Variants in BRCA2 observed in about 807,000 individuals in gnomAD.
BRCA2 encodes breast cancer type 2 susceptibility protein.
A neutral mutation model predicts 276.7 loss-of-function variants in BRCA2; 203 were observed. The ratio of observed to expected loss-of-function variants is 0.73; its 90% CI spans 0.65 to 0.82. The LOEUF is 0.82. Ranked by LOEUF, BRCA2 falls within the 40% of genes least tolerant of loss-of-function variation. The pLI is 0.00. For missense variants in BRCA2, 3,920 were observed against 3,915.0 expected, an observed-to-expected ratio of 1.00 and a Z score of -0.03; for synonymous variants, 1,289 against 1,338.4, an observed-to-expected ratio of 0.96 and a Z score of 0.81.
chr13:32,390,588 G>A (rs1172360748), intron 24 of BRCA2, among the ~76,000 whole-genome samples: 1 of 151,916 alleles, frequency 6.6e-6, no homozygotes, highest in Non-Finnish European at 1.5e-5. Flanking sequence ...TGATGAATTT[G>A]TCCTATTCAT....
At chr13:32,382,171 C>G (rs530666206) in intron 24 of BRCA2, among the ~76,000 whole-genome samples, 1 of 152,224 alleles carries the variant, frequency 6.6e-6, no homozygotes, top group East Asian at 1.9e-4. Flanking sequence ...CCAGAATGGT[C>G]TCGATCTCCT....
rs80359161 is a variant in BRCA2 at position 32,379,878 on chromosome 13, G to C, written c.9082G>C (p.Ala3028Pro). Residue 3028 changes from alanine to proline, a missense_variant, in exon 23 of 27, where the codon GCA (alanine) becomes CCA (proline). Around this residue, in one of 2 missense-constraint regions of BRCA2, gnomAD observed 657 missense variants for 758.2 expected, o/e 0.87. Coordinates refer to ENST00000380152, the MANE Select transcript of BRCA2 (RefSeq NM_000059.4). ...SKSERANIQL[A>P]ATKKTQYQQL... is the part of the protein sequence containing the mutation. ...ATCTGAAAGAGCTAACATACAGTTA[G>C]CAGCGACAAAAAAAACTCAGTATCA... 3.7e-6 allele frequency: 6 copies of C among 1,613,818 alleles called. No individual in the cohort carries two copies. Among genetic ancestry groups the C allele is most frequent in the Non-Finnish European group, 5.1e-6 (6 of 1,179,830 alleles).
At position 32,319,071 on chromosome 13, in the gene BRCA2, A is replaced by T. The variant is rs1555280325; in HGVS notation, c.68-6A>T. The T allele has an allele frequency of 1.2e-6, 2 of 1,608,298 alleles. No homozygotes were observed. Among genetic ancestry groups the T allele is most frequent in the Non-Finnish European group, 8.5e-7 (1 of 1,177,032 alleles). The stretch of plus-strand genomic sequence containing the variant: ...AAAACTAAGGTGGGATTTTTTTTTT[A>T]AATAGATTTAGGACCAATAAGTCTT... On this transcript the variant is annotated splice_polypyrimidine_tract_variant and splice_region_variant and intron_variant, in intron 2 of 26. Coordinates refer to ENST00000380152, the MANE Select transcript of BRCA2 (RefSeq NM_000059.4).
In BRCA2 at chr13:32,332,489, C is replaced by T. The variant is rs41293473; in HGVS notation, c.1011C>T (p.Asn337=). The change falls in exon 10 of 27, where the codon AAC becomes AAT. Residue 337 remains asparagine, a synonymous_variant. Coordinates refer to ENST00000380152, the MANE Select transcript of BRCA2 (RefSeq NM_000059.4). ...GGAAAAAAATTTTCCATGAAGCAAA[C>T]GCTGATGAATGTGAAAAATCTAAAA... ...KTRKKIFHEA[N]ADECEKSKNQ... 4.4e-5 allele frequency: 71 copies of T among 1,608,174 alleles called. 1 individual carries two copies. The Middle Eastern group carries it at 5.0e-4, about 11-fold the overall frequency.
intron 18 of BRCA2, among the ~76,000 whole-genome samples, chr13:32,368,555 G>T: frequency 6.9e-6 from 1 of 145,778 alleles, no homozygotes. Flanking sequence ...TTGTCTATTT[G>T]AGTCTCTCTG....
At chr13:32,346,080 GAATA>G (rs2072609093) in intron 12 of BRCA2, among the ~76,000 whole-genome samples, 1 of 151,350 alleles carries the variant, frequency 6.6e-6, no homozygotes, top group Non-Finnish European at 1.5e-5. Flanking sequence ...TTTTACATTT[GAATA>G]AATAAAACAT....
At position 32,336,262 on chromosome 13, in the gene BRCA2, T is replaced by C; in HGVS notation, c.1910-3T>C. 6.3e-7 allele frequency: 1 copy of C among 1,599,686 alleles called. No individual in the cohort carries two copies. The highest frequency in any genetic ancestry group is 8.5e-7 in the Non-Finnish European group (1 of 1,175,554). On this transcript the variant is annotated splice_polypyrimidine_tract_variant and splice_region_variant and intron_variant, in intron 10 of 26. Coordinates refer to ENST00000380152, the MANE Select transcript of BRCA2 (RefSeq NM_000059.4). ...TTTTGTCACTTTGTGTTTTTATGTT[T>C]AGGTTTATTGCATTCTTCTGTGAAA... is the stretch of plus-strand genomic sequence containing the variant.
chr13:32,385,594 A>C (rs1323204134), intron 24 of BRCA2: 1 of 268,316 alleles, frequency 3.7e-6, no homozygotes, highest in Non-Finnish European at 7.4e-6. Context: ...AGCTACCAAC[A>C]AGCAGCCTAG....
chr13:32,326,364 C>T (rs773238258), intron 6 of BRCA2, 82 bp downstream of exon 6: 16 of 1,512,296 alleles, frequency 1.1e-5, no homozygotes, highest in Non-Finnish European at 1.5e-5. Context: ...CTGAGATTTA[C>T]AAATCTGTAC....
intron 18 of BRCA2, among the ~76,000 whole-genome samples, chr13:32,366,300 T>C (rs1273291296): frequency 6.6e-6 from 1 of 152,130 alleles, no homozygotes; most frequent in Non-Finnish European, 1.5e-5. Context: ...ATATTGCTGG[T>C]GGTAGTGTTG....
At chr13:32,370,273 A>G (rs957767595) in intron 18 of BRCA2, 129 bp from the exon 19 acceptor site, 2 of 861,292 alleles carry the variant, frequency 2.3e-6, no homozygotes, top group Non-Finnish European at 3.6e-6. Context: ...TGTCTTACTA[A>G]TCTTCCTAAG....
chr13:32,319,825 T>A (rs2072294586), intron 3 of BRCA2, among the ~76,000 whole-genome samples: 1 of 152,226 alleles, frequency 6.6e-6, no homozygotes, highest in Admixed American at 6.5e-5. Flanking sequence ...AACTTTCCCT[T>A]TTCTTCAGAG....
At position 32,332,896 on chromosome 13, in the gene BRCA2, A is replaced by T. The variant is rs80358430; in HGVS notation, c.1418A>T (p.His473Leu). The stretch of plus-strand genomic sequence containing the variant: ...GTAAATAAGAGAGATGAAGAGCAGC[A>T]TCTTGAATCTCATACAGACTGCATT... ...TVVNKRDEEQ[H>L]LESHTDCILA... The change falls in exon 10 of 27, where the codon CAT becomes CTT. Residue 473 changes from histidine (H) to leucine (L), a missense_variant. By Grantham distance (99) the His-to-Leu change is moderately conservative. Coordinates refer to ENST00000380152, the MANE Select transcript of BRCA2 (RefSeq NM_000059.4). 6.2e-7 allele frequency: 1 copy of T among 1,611,154 alleles called. No individual in the cohort carries two copies. Among genetic ancestry groups the T allele is most frequent in the Non-Finnish European group, 8.5e-7 (1 of 1,179,342 alleles).
Position 32,337,898 on chromosome 13 carries a change from A to G in BRCA2, c.3543A>G (p.Gln1181=), listed in dbSNP as rs2072483286. The G allele has an allele frequency of 6.2e-7, 1 of 1,614,124 alleles. No individual in the cohort carries two copies. Among genetic ancestry groups the G allele is most frequent in the South Asian group, 1.1e-5 (1 of 91,086 alleles). The change falls in exon 11 of 27, where the codon CAA becomes CAG. Residue 1181 remains glutamine (Q), a synonymous_variant. Transcript: ENST00000380152. Reference sequence around the variant, plus strand: ...TTGGTCAGGTAGACAGCAGCAAGCAATTTGAAGGTACAGTTGAAATTAAAC... The same window carrying G: ...TTGGTCAGGTAGACAGCAGCAAGCAGTTTGAAGGTACAGTTGAAATTAAAC... The part of the protein sequence containing the change: ...PSIGQVDSSK[Q]FEGTVEIKRK...
rs80358743 is a variant in BRCA2, at chr13:32,339,526, T to C, written c.5171T>C (p.Ile1724Thr). The C allele has an allele frequency of 2.5e-6, 4 of 1,603,498 alleles. No individual in the cohort carries two copies. Among genetic ancestry groups the C allele is most frequent in the East Asian group, 4.5e-5 (2 of 44,776 alleles). Residue 1724 changes from isoleucine to threonine, a missense_variant, in exon 11 of 27, where the codon ATA becomes ACA. Ile to Thr is a moderately conservative substitution (Grantham distance 89). This residue lies in a region of BRCA2 where 3,263 missense variants were observed against 3,156.9 expected (regional missense o/e 1.03). Coordinates refer to ENST00000380152, the MANE Select transcript of BRCA2 (RefSeq NM_000059.4). The stretch of plus-strand genomic sequence containing the variant: ...TATGAAAATAATTCAAACAGTACTA[T>C]AGCTGAAAATGACAAAAATCATCTC... ...YLYENNSNST[I>T]AENDKNHLSE...
chr13:32,340,070 T>C lies in BRCA2; in HGVS notation c.5715T>C (p.His1905=), dbSNP rs1298256513. The C allele has an allele frequency of 1.2e-6, 2 of 1,613,796 alleles. No individual in the cohort carries two copies. Among genetic ancestry groups the C allele is most frequent in the African/African-American group, 2.7e-5 (2 of 74,936 alleles). ...EALDDSEDIL[H]NSLDNDECST... ...TGGATGATTCAGAGGATATTCTTCATAACTCTCTAGATAATGATGAATGTA... is the reference window on the plus strand; with the variant it reads ...TGGATGATTCAGAGGATATTCTTCACAACTCTCTAGATAATGATGAATGTA... The change falls in exon 11 of 27, where the codon CAT becomes CAC. Residue 1905 remains histidine, a synonymous_variant. Transcript: ENST00000380152.
In BRCA2 at chr13:32,354,898, T is replaced by C. The variant is rs1555285984; in HGVS notation, c.7045T>C (p.Phe2349Leu). The C allele has an allele frequency of 1.9e-6, 3 of 1,613,414 alleles. No homozygotes were observed. The highest frequency in any genetic ancestry group is 1.7e-5 in the Admixed American group (1 of 60,006). The change falls in exon 14 of 27, where the codon TTT (phenylalanine) becomes CTT (leucine). Residue 2349 changes from phenylalanine to leucine, a missense_variant. Phe to Leu is a conservative substitution (Grantham distance 22, BLOSUM62 0). This residue lies in a region of BRCA2 where 3,263 missense variants were observed against 3,156.9 expected (regional missense o/e 1.03). Coordinates refer to ENST00000380152, the MANE Select transcript of BRCA2 (RefSeq NM_000059.4). ...KERQEIQNPN[F>L]TAPGQEFLSK... ...ACGTCAAGAGATACAGAATCCAAATTTTACCGCACCTGGTCAAGAATTTCT... is the reference window on the plus strand; with the variant it reads ...ACGTCAAGAGATACAGAATCCAAATCTTACCGCACCTGGTCAAGAATTTCT...
chr13:32,316,293 T>TGTTAC, intron 1 of BRCA2, 129 bp from the exon 2 acceptor site: 2 of 694,046 alleles, frequency 2.9e-6, no homozygotes, highest in South Asian at 3.3e-5. Flanking sequence ...CACAGTAAGC[T>TGTTAC]GTTACCGTTC....
At chr13:32,393,634 C>T (rs1474396708) in intron 24 of BRCA2, among the ~76,000 whole-genome samples, 3 of 152,038 alleles carry the variant, frequency 2.0e-5, no homozygotes, top group Non-Finnish European at 4.4e-5. Context: ...AGCCATTTCT[C>T]TTGGCTTCTT....
Sources: gnomAD v4.1 joint callset for allele counts (sites outside exome capture counted in the v4.1 genomes callset) on GRCh38, gnomAD v4.1.1 for gene constraint, gnomAD v4.1.1 regional missense constraint, MANE v1.5 for transcripts, NCBI Gene and HGNC (gene_info 2026-07-23, HGNC 2026-07-21) for gene names.